SLC9D1: variants seen among roughly 807,000 people sequenced by gnomAD.
SLC9D1 encodes putative LAG1-interacting protein.
chr13:113,546,303 C>T, the SLC9D1 span, among the ~76,000 whole-genome samples: 6 of 151,458 alleles, frequency 4.0e-5, no homozygotes, highest in African/African-American at 1.2e-4. This position sits in a 1 kb window ranked among gnomAD's most constrained non-coding sequence, Gnocchi z 7.1. Flanking sequence ...GGGAGGTGGA[C>T]CCCAGGCCGC....
the SLC9D1 span, chr13:113,520,880 C>A: frequency 3.1e-6 from 2 of 640,290 alleles, no homozygotes; most frequent in Non-Finnish European, 5.5e-6. Flanking sequence ...CTGCCTTGCT[C>A]ACGCCCTGGC....
the SLC9D1 span, chr13:113,501,938 C>A: frequency 7.3e-7 from 1 of 1,371,594 alleles, no homozygotes. Flanking sequence ...AAAGAGAATT[C>A]ATGAAGACTA....
At chr13:113,531,825 C>T in the SLC9D1 span, among the ~76,000 whole-genome samples, 1 of 152,260 alleles carries the variant, frequency 6.6e-6, no homozygotes, top group Non-Finnish European at 1.5e-5. Flanking sequence ...TGATTGGCAT[C>T]TTTCTGAGCC....
the SLC9D1 span, among the ~76,000 whole-genome samples, chr13:113,532,044 G>A: frequency 2.0e-5 from 3 of 152,200 alleles, no homozygotes; most frequent in South Asian, 2.1e-4. Flanking sequence ...CATCTGTGAC[G>A]TAGCAGTGGG....
chr13:113,537,938 T>A, the SLC9D1 span, among the ~76,000 whole-genome samples: 1 of 152,178 alleles, frequency 6.6e-6, no homozygotes, highest in Non-Finnish European at 1.5e-5. Flanking sequence ...GCATGGCATG[T>A]GTACCTGTGT....
At chr13:113,516,275 C>T in the SLC9D1 span, among the ~76,000 whole-genome samples, 1 of 151,910 alleles carries the variant, frequency 6.6e-6, no homozygotes, top group African/African-American at 2.4e-5. Context: ...TTAGAAATTC[C>T]TATATATGTC....
At chr13:113,502,023 G>A in the SLC9D1 span, 6 of 686,316 alleles carry the variant, frequency 8.7e-6, no homozygotes, top group South Asian at 5.7e-5. Flanking sequence ...CAGGTGTCAC[G>A]GGAAGTCTCT....
the SLC9D1 span, among the ~76,000 whole-genome samples, chr13:113,515,890 C>CAAAAA: frequency 2.0e-3 from 161 of 78,646 alleles, no homozygotes; most frequent in East Asian, 2.8e-3. Flanking sequence ...GACTCCGTCC[C>CAAAAA]AAAAAAAAAA....
chr13:113,527,308 A>G, the SLC9D1 span: 1 of 152,198 alleles, frequency 6.6e-6, no homozygotes, highest in East Asian at 1.9e-4. Flanking sequence ...TATCTTCTGT[A>G]ATCATTTCCT....
At chr13:113,540,594 C>T in the SLC9D1 span, among the ~76,000 whole-genome samples, 1 of 152,192 alleles carries the variant, frequency 6.6e-6, no homozygotes, top group Non-Finnish European at 1.5e-5. Flanking sequence ...CTGCTTTTTG[C>T]TTGCAGATTT....
At chr13:113,498,804 C>T in the SLC9D1 span, among the ~76,000 whole-genome samples, 2 of 152,326 alleles carry the variant, frequency 1.3e-5, no homozygotes, top group East Asian at 3.9e-4. Flanking sequence ...ACTCTAGTCT[C>T]AGGACAGCCT....
At chr13:113,526,474 T>C in the SLC9D1 span, among the ~76,000 whole-genome samples, 1 of 151,984 alleles carries the variant, frequency 6.6e-6, no homozygotes, top group Non-Finnish European at 1.5e-5. Context: ...AATCCTAGTC[T>C]TTGGGAGGCC....
the SLC9D1 span, chr13:113,548,241 G>C: frequency 4.4e-6 from 7 of 1,578,466 alleles, no homozygotes; most frequent in South Asian, 4.6e-5. Flanking sequence ...TCTCTGTTTC[G>C]TGTGTGTTTA....
the SLC9D1 span, among the ~76,000 whole-genome samples, chr13:113,509,518 C>T: frequency 6.6e-6 from 1 of 151,524 alleles, no homozygotes; most frequent in East Asian, 2.0e-4. Context: ...TGCTCCATGA[C>T]GCCTATGTTT....
chr13:113,529,314 G>C, the SLC9D1 span: 2 of 151,948 alleles, frequency 1.3e-5, no homozygotes, highest in African/African-American at 4.8e-5. Flanking sequence ...CGGGTGCAGC[G>C]GCTCACGCTG....
the SLC9D1 span, chr13:113,539,419 C>T: frequency 3.1e-6 from 5 of 1,613,608 alleles, no homozygotes; most frequent in Admixed American, 6.7e-5. This position sits in a 1 kb window ranked among gnomAD's most constrained non-coding sequence, Gnocchi z 4.8. Context: ...CGCTCGTCTC[C>T]TCTCAGGGCC....
chr13:113,534,063 C>G, the SLC9D1 span: 1 of 1,606,492 alleles, frequency 6.2e-7, no homozygotes, highest in Non-Finnish European at 8.5e-7. Context: ...TGGAAGTTCT[C>G]CGAATCCTGG....
chr13:113,516,125 A>G, the SLC9D1 span, among the ~76,000 whole-genome samples: 1 of 152,164 alleles, frequency 6.6e-6, no homozygotes, highest in Non-Finnish European at 1.5e-5. Context: ...TAAGAGGATG[A>G]CTGGGGTTTC....
chr13:113,544,978 T>A, the SLC9D1 span, among the ~76,000 whole-genome samples: 1 of 152,252 alleles, frequency 6.6e-6, no homozygotes, highest in Non-Finnish European at 1.5e-5. Flanking sequence ...ATCGACAATG[T>A]CAGTCATTGG....
Sources: allele counts gnomAD v4.1 joint callset (sites outside exome capture counted in the v4.1 genomes callset), GRCh38; gene constraint gnomAD v4.1.1; non-coding constraint Gnocchi (gnomAD v3.1); transcripts MANE v1.5; gene names NCBI Gene and HGNC (gene_info 2026-07-23, HGNC 2026-07-21).